ME3: variants seen among roughly 807,000 people sequenced by gnomAD.
ME3 encodes malic enzyme 3, also known as NADP-dependent malic enzyme, mitochondrial.
ME3 carries 48 observed loss-of-function variants against 68.9 expected under a neutral mutation model. The observed-to-expected ratio is 0.70, with a 90% confidence interval of 0.55 to 0.89. The LOEUF (loss-of-function observed/expected upper bound fraction) is 0.89, where lower values mean the gene tolerates loss of function less well. Ranked by LOEUF, ME3 falls within the 40% of genes least tolerant of loss-of-function variation. ME3 has a pLI of 0.00. For synonymous variants in ME3, 320 were observed against 318.8 expected (o/e 1.00, Z -0.04); for missense variants, 675 against 797.4 (o/e 0.85, Z 1.85).
At chr11:86,457,425 T>C (rs1323272559) in intron 8 of ME3, 1 of 897,920 alleles carries the variant, frequency 1.1e-6, no homozygotes, top group Non-Finnish European at 1.4e-6. Flanking sequence ...GTTCTCAGCC[T>C]TCTTCTTTCT....
intron 7 of ME3, among the ~76,000 whole-genome samples, chr11:86,483,537 G>C (rs922364611): frequency 1.3e-5 from 2 of 151,076 alleles, no homozygotes; most frequent in Non-Finnish European, 1.5e-5. Context: ...AGGGGAAAGA[G>C]AGAGAGAGAA....
rs575202307 is a variant in ME3 at position 86,611,308 on chromosome 11, C to A, written c.184-51485G>T. Among the ~76,000 whole-genome samples the A allele has an allele frequency of 9.9e-5, 15 of 151,990 alleles. No individual in the cohort carries two copies. In the East Asian group the frequency reaches 2.5e-3, roughly 25 times the overall value. The stretch of plus-strand genomic sequence containing the variant: ...TAATTATGAATAAAGCCTCTCCTTA[C>A]AGCAGACACTTGTAAACAAAAAGAG... On this transcript the variant is annotated intron_variant, in intron 2 of 14. Coordinates refer to ENST00000543262, the Ensembl canonical transcript of ME3.
intron 2 of ME3, among the ~76,000 whole-genome samples, chr11:86,646,480 AG>A (rs1486252019): frequency 6.6e-6 from 1 of 152,252 alleles, no homozygotes. Context: ...AGTAAAATAA[AG>A]CATGAAGACA....
At chr11:86,519,062 C>T (rs756671067) in intron 4 of ME3, among the ~76,000 whole-genome samples, 2 of 152,148 alleles carry the variant, frequency 1.3e-5, no homozygotes, top group Non-Finnish European at 2.9e-5. Context: ...TTGTTTTAAG[C>T]CATCCAATTT....
At chr11:86,435,037 A>G in the ME3 span, 1 of 152,224 alleles carries the variant, frequency 6.6e-6, no homozygotes, top group African/African-American at 2.4e-5. Context: ...AACAAACTTG[A>G]TCCCATGAAC....
chr11:86,497,602 C>G (rs610790), intron 6 of ME3, among the ~76,000 whole-genome samples: 1 of 151,944 alleles, frequency 6.6e-6, no homozygotes. Context: ...CTTGAGAATG[C>G]TAAAAAACAC....
chr11:86,601,142 CA>C (rs1403205829), intron 2 of ME3, among the ~76,000 whole-genome samples: 1 of 151,096 alleles, frequency 6.6e-6, no homozygotes, highest in Non-Finnish European at 1.5e-5. Context: ...AAAAACCCTT[CA>C]AAAAATTAAT....
intron 2 of ME3, among the ~76,000 whole-genome samples, chr11:86,607,281 CAG>C (rs1015924736): frequency 6.6e-6 from 1 of 152,106 alleles, no homozygotes; most frequent in Non-Finnish European, 1.5e-5. Context: ...TGGGATATTT[CAG>C]ACATACTGGC....
intron 2 of ME3, among the ~76,000 whole-genome samples, chr11:86,608,761 T>G (rs1396644693): frequency 6.6e-6 from 1 of 152,226 alleles, no homozygotes; most frequent in Non-Finnish European, 1.5e-5. Context: ...AAATACATTG[T>G]GAATATGCAT....
chr11:86,541,029 G>C lies in ME3; in HGVS notation c.467+15524C>G, dbSNP rs552790263. On this transcript the variant is annotated intron_variant, in intron 4 of 14. Coordinates refer to ENST00000543262, the Ensembl canonical transcript of ME3. ...TGGGGCATCACCTCACCCAAAAAGT[G>C]CAAGGGGTCAGGGAACTCCCTCCCC... Among the ~76,000 whole-genome samples the C allele has an allele frequency of 3.9e-5, 6 of 152,290 alleles. No individual in the cohort carries two copies. The South Asian group carries it at 1.2e-3, about 32-fold the overall frequency.
intron 2 of ME3, among the ~76,000 whole-genome samples, chr11:86,592,261 T>G (rs1565182032): frequency 5.3e-5 from 8 of 152,022 alleles, no homozygotes; most frequent in Non-Finnish European, 1.5e-5. Flanking sequence ...AGGCTGCTGC[T>G]TTTTTTTCTA....
chr11:86,647,826 C>T (rs1945128789), intron 2 of ME3, among the ~76,000 whole-genome samples: 1 of 152,176 alleles, frequency 6.6e-6, no homozygotes. Context: ...TAACACCCCA[C>T]TGTCAATATT....
At chr11:86,599,111 G>T (rs1173247259) in intron 2 of ME3, among the ~76,000 whole-genome samples, 2 of 152,234 alleles carry the variant, frequency 1.3e-5, no homozygotes, top group African/African-American at 4.8e-5. Context: ...GAATGACTTT[G>T]ACGAGTTGAG....
intron 4 of ME3, among the ~76,000 whole-genome samples, chr11:86,548,655 A>C (rs1160377901): frequency 6.6e-6 from 1 of 152,202 alleles, no homozygotes; most frequent in African/African-American, 2.4e-5. Context: ...ATTAGAGGCA[A>C]ATTTGTAGCC....
At chr11:86,587,713 C>G (rs974514960) in intron 2 of ME3, among the ~76,000 whole-genome samples, 12 of 152,200 alleles carry the variant, frequency 7.9e-5, no homozygotes, top group African/African-American at 2.7e-4. Flanking sequence ...CCCCACCTAG[C>G]TAGAGAGAAA....
chr11:86,436,991 G>C (rs1270228238), downstream of ME3: 2 of 152,086 alleles, frequency 1.3e-5, no homozygotes, highest in African/African-American at 4.8e-5. Flanking sequence ...TTGCATAGTG[G>C]TGAAGTATGG....
At chr11:86,619,720 TC>T (rs1943225566) in intron 2 of ME3, among the ~76,000 whole-genome samples, 1 of 152,240 alleles carries the variant, frequency 6.6e-6, no homozygotes, top group Admixed American at 6.5e-5. Context: ...CCATTAAGCC[TC>T]CTTTTCTTTA....
At chr11:86,449,889 C>T in exon 10 of ME3, 1 of 1,611,294 alleles carries the variant, frequency 6.2e-7, no homozygotes, top group South Asian at 1.1e-5. Flanking sequence ...CTGACAGTAC[C>T]TTGACAATGA....
intron 2 of ME3, among the ~76,000 whole-genome samples, chr11:86,658,132 A>G (rs964642780): frequency 1.3e-5 from 2 of 148,434 alleles, no homozygotes; most frequent in Non-Finnish European, 3.0e-5. Flanking sequence ...CTTCTTCACA[A>G]TTTTTTTTTT....
Sources: allele counts gnomAD v4.1 joint callset (sites outside exome capture counted in the v4.1 genomes callset), GRCh38; gene constraint gnomAD v4.1.1; transcripts MANE v1.5; gene names NCBI Gene and HGNC (gene_info 2026-07-23, HGNC 2026-07-21).